Variants in ANKS1B observed in about 807,000 individuals in gnomAD.
ANKS1B encodes ankyrin repeat and sterile alpha motif domain-containing protein 1B.
A neutral mutation model predicts 148.3 loss-of-function variants in ANKS1B; 36 were observed. That is an observed-to-expected ratio of 0.24 (90% confidence interval 0.19 to 0.32). The LOEUF is 0.32. Among genes scored for constraint, ANKS1B ranks in the 10% least tolerant of loss-of-function variants. The probability of loss-of-function intolerance (pLI) is 1.00; values close to 1 mark genes in which losing one functional copy is unlikely to be tolerated. For missense variants in ANKS1B, 1,157 were observed against 1,542.6 expected (o/e 0.75, Z 4.19); for synonymous variants, 542 against 560.8 (o/e 0.97, Z 0.47).
chr12:99,081,666 G>A (rs745950799), intron 16 of ANKS1B, among the ~76,000 whole-genome samples: 77 of 152,142 alleles, frequency 5.1e-4, no homozygotes, highest in Middle Eastern at 3.4e-3. Flanking sequence ...GCTTAATTTT[G>A]TATTGTTTCT....
chr12:99,183,592 G>C (rs2079408848), intron 14 of ANKS1B, among the ~76,000 whole-genome samples: 1 of 152,184 alleles, frequency 6.6e-6, no homozygotes, highest in Non-Finnish European at 1.5e-5. Context: ...GCAGTGAGCT[G>C]AGATCGTGTC....
At chr12:99,496,829 A>G (rs938386163) in intron 10 of ANKS1B, among the ~76,000 whole-genome samples, 2 of 152,154 alleles carry the variant, frequency 1.3e-5, no homozygotes, top group African/African-American at 2.4e-5. Context: ...TTCTGAGCAA[A>G]TGCATACTTA....
chr12:99,390,165 G>A (rs2094009185), intron 12 of ANKS1B, among the ~76,000 whole-genome samples: 1 of 152,150 alleles, frequency 6.6e-6, no homozygotes, highest in African/African-American at 2.4e-5. Flanking sequence ...CATTTATGAA[G>A]CTACATTAAT....
At chr12:99,922,283 CCTCA>C (rs1357584208) in intron 1 of ANKS1B, among the ~76,000 whole-genome samples, 3 of 152,096 alleles carry the variant, frequency 2.0e-5, no homozygotes, top group Admixed American at 2.0e-4. Context: ...TGACTGTTCT[CCTCA>C]CTAAGGACTT....
At chr12:98,987,686 C>G (rs906919053) in intron 17 of ANKS1B, among the ~76,000 whole-genome samples, 28 of 151,258 alleles carry the variant, frequency 1.9e-4, no homozygotes, top group African/African-American at 6.5e-4. Flanking sequence ...TGATTTGGGA[C>G]CGGTCACAGA....
At chr12:98,958,877 G>A (rs1294367697) in intron 17 of ANKS1B, among the ~76,000 whole-genome samples, 1 of 152,132 alleles carries the variant, frequency 6.6e-6, no homozygotes, top group African/African-American at 2.4e-5. Context: ...GTATCAATGA[G>A]ACATTTCATA....
chr12:99,981,503 T>C (rs2095701887), intron 1 of ANKS1B, among the ~76,000 whole-genome samples: 1 of 152,184 alleles, frequency 6.6e-6, no homozygotes, highest in East Asian at 1.9e-4. Flanking sequence ...ATTTAAGGAA[T>C]TTCAAATTAT....
chr12:99,889,723 T>C (rs945073467), intron 1 of ANKS1B, among the ~76,000 whole-genome samples: 1 of 152,214 alleles, frequency 6.6e-6, no homozygotes, highest in Non-Finnish European at 1.5e-5. Flanking sequence ...CATAATGTCA[T>C]GGCATGTTAA....
At chr12:99,685,759 T>TATAC (rs1555546538) in intron 8 of ANKS1B, among the ~76,000 whole-genome samples, 1 of 151,034 alleles carries the variant, frequency 6.6e-6, no homozygotes, top group Admixed American at 6.6e-5. Flanking sequence ...TATATATATA[T>TATAC]ACACACACAC....
chr12:99,483,165 A>G (rs950385069), intron 10 of ANKS1B, among the ~76,000 whole-genome samples: 2 of 151,212 alleles, frequency 1.3e-5, no homozygotes, highest in Admixed American at 1.3e-4. Flanking sequence ...TTATTTTGAG[A>G]TAGGTCCCTT....
chr12:99,402,073 T>C lies in ANKS1B; in HGVS notation c.1576-2262A>G, dbSNP rs1158756668. On this transcript the variant is annotated intron_variant, in intron 11 of 26. Coordinates refer to ENST00000683438, the MANE Select transcript of ANKS1B (RefSeq NM_001352186.2). Reference sequence around the variant, plus strand: ...TAGAGAAAATATTTGGCCACTCCTGTTCTATGGAATTGTTTCACACCTCAA... The same window carrying C: ...TAGAGAAAATATTTGGCCACTCCTGCTCTATGGAATTGTTTCACACCTCAA... 4.8e-5 allele frequency among the ~76,000 whole-genome samples: 7 copies of C among 146,542 alleles called. 1 individual carries two copies. Among genetic ancestry groups the C allele is most frequent in the African/African-American group, 1.8e-4 (7 of 38,686 alleles).
chr12:98,899,162 G>C (rs1182563586), intron 17 of ANKS1B, among the ~76,000 whole-genome samples: 2 of 152,098 alleles, frequency 1.3e-5, no homozygotes, highest in East Asian at 3.8e-4. Flanking sequence ...CCTGACTTTG[G>C]AATAAGACCT....
At chr12:99,715,408 C>A (rs996148096) in intron 8 of ANKS1B, among the ~76,000 whole-genome samples, 28 of 152,200 alleles carry the variant, frequency 1.8e-4, no homozygotes, top group Non-Finnish European at 2.9e-4. Flanking sequence ...CTCCTGCCCA[C>A]CAGAGAACAA....
At chr12:99,856,531 T>C (rs1277288103) in intron 1 of ANKS1B, among the ~76,000 whole-genome samples, 1 of 152,088 alleles carries the variant, frequency 6.6e-6, no homozygotes, top group African/African-American at 2.4e-5. Context: ...TAAATCATTC[T>C]ATGAAGCCAC....
intron 16 of ANKS1B, among the ~76,000 whole-genome samples, chr12:99,056,822 T>G (rs2040351130): frequency 6.6e-6 from 1 of 152,252 alleles, no homozygotes; most frequent in African/African-American, 2.4e-5. Context: ...TCTTCAGGAC[T>G]GGCTTCTCTT....
chr12:99,033,572 G>A lies in ANKS1B; in HGVS notation c.2778+19585C>T, dbSNP rs531452093. On this transcript the variant is annotated intron_variant, in intron 17 of 26. Coordinates refer to ENST00000683438, the MANE Select transcript of ANKS1B (RefSeq NM_001352186.2). ...CCAGCTACTCAGGAGGCTGAGGCAG[G>A]AGAATCACTTGAACCCAGGAGGCAG... 5.3e-4 allele frequency among the ~76,000 whole-genome samples: 81 copies of A among 152,060 alleles called. 1 individual carries two copies. Among genetic ancestry groups the A allele is most frequent in the Non-Finnish European group, 5.9e-4 (40 of 68,006 alleles).
rs76143610 is a variant in ANKS1B, at chr12:99,282,802, C to T, written c.1757-35938G>A. Among the ~76,000 whole-genome samples the T allele has an allele frequency of 6.7e-3, 1,013 of 152,188 alleles. 7 individuals carry two copies. Among genetic ancestry groups the T allele is most frequent in the African/African-American group, 0.023 (947 of 41,510 alleles). ...TTATGGCTGTGAGAATTTAGAGTTT[C>T]GTTTTAGACATTTAAAGGGTGAAAT... On this transcript the variant is annotated intron_variant, in intron 12 of 26. Coordinates refer to ENST00000683438, the MANE Select transcript of ANKS1B (RefSeq NM_001352186.2).
intron 12 of ANKS1B, among the ~76,000 whole-genome samples, chr12:99,356,595 T>C (rs1398339386): frequency 6.6e-6 from 1 of 152,084 alleles, no homozygotes; most frequent in African/African-American, 2.4e-5. Context: ...GGCAATGGAG[T>C]ATAAATTTGC....
chr12:98,874,050 T>G (rs555380734), intron 17 of ANKS1B, among the ~76,000 whole-genome samples: 14 of 152,324 alleles, frequency 9.2e-5, no homozygotes, highest in African/African-American at 3.4e-4. Flanking sequence ...ATTATCTGTC[T>G]GCCTCTTTTC....
Sources: gnomAD v4.1 joint callset for allele counts (sites outside exome capture counted in the v4.1 genomes callset) on GRCh38, gnomAD v4.1.1 for gene constraint, MANE v1.5 for transcripts, NCBI Gene and HGNC (gene_info 2026-07-23, HGNC 2026-07-21) for gene names.